NAT2: variants seen among roughly 807,000 people sequenced by gnomAD.
The protein encoded by NAT2 is N-acetyltransferase 2, also known as arylamine N-acetyltransferase 2.
For synonymous variants in NAT2, 137 were observed against 125.9 expected (o/e 1.09, Z -0.59); for missense variants, 428 against 339.1 (o/e 1.26, Z -2.06).
intron 1 of NAT2, among the ~76,000 whole-genome samples, chr8:18,393,870 C>G (rs534314208): frequency 2.0e-5 from 3 of 152,198 alleles, no homozygotes; most frequent in Non-Finnish European, 4.4e-5. Context: ...CTAGAAGATA[C>G]TAACAGATAC....
chr8:18,399,107 G>A (rs1800745379), intron 1 of NAT2, among the ~76,000 whole-genome samples: 1 of 152,132 alleles, frequency 6.6e-6, no homozygotes, highest in Non-Finnish European at 1.5e-5. Flanking sequence ...CTCACTGACT[G>A]TGCTCCAGTC....
chr8:18,398,317 A>G lies in NAT2; in HGVS notation c.-6-1681A>G, dbSNP rs62492998. Among the ~76,000 whole-genome samples the G allele has an allele frequency of 7.8e-3, 1,182 of 152,324 alleles. 6 individuals are homozygous for G. The highest frequency in any genetic ancestry group is 0.031 in the Middle Eastern group (9 of 294). ...TCTGGGTATAGGGATCTTATGACCT[A>G]CAATCCAACAAGGTAAGTTGGATAA... On this transcript the variant is annotated intron_variant, in intron 1 of 1. Transcript: ENST00000286479.
At chr8:18,399,782 T>G (rs981524106) in intron 1 of NAT2, among the ~76,000 whole-genome samples, 1 of 152,168 alleles carries the variant, frequency 6.6e-6, no homozygotes, top group African/African-American at 2.4e-5. Context: ...GAAGATACAA[T>G]AATACTTTCC....
chr8:18,400,802 C>G lies in NAT2; in HGVS notation c.799C>G (p.Leu267Val). The G allele has an allele frequency of 6.2e-7, 1 of 1,612,148 alleles. No individual in the cohort carries two copies. The highest frequency in any genetic ancestry group is 8.5e-7 in the Non-Finnish European group (1 of 1,179,510). ...CACTGAGGAAGAGGTTGAAGAAGTG[C>G]TGAGAAATATATTTAAGATTTCCTT... The part of the protein sequence containing the change: ...TLTEEEVEEV[L>V]RNIFKISLGR... Residue 267 changes from leucine to valine, a missense_variant, in exon 2 of 2, where the codon CTG becomes GTG. By Grantham distance (32) the Leu-to-Val change is conservative. Transcript: ENST00000286479.
chr8:18,399,634 A>C (rs1800753169), intron 1 of NAT2, among the ~76,000 whole-genome samples: 1 of 152,228 alleles, frequency 6.6e-6, no homozygotes, highest in Admixed American at 6.5e-5. Flanking sequence ...CTTATATCAG[A>C]AACTGTTTAT....
intron 1 of NAT2, among the ~76,000 whole-genome samples, chr8:18,396,730 C>T (rs1254970296): frequency 2.0e-5 from 3 of 152,094 alleles, no homozygotes; most frequent in Admixed American, 1.3e-4. Context: ...GCTTAATATT[C>T]GTTTCATAAA....
In NAT2 at chr8:18,400,094, C is replaced by G; in HGVS notation, c.91C>G (p.Gln31Glu). 1 of 1,613,770 alleles carries G rather than the reference C, an allele frequency of 6.2e-7. No individual in the cohort carries two copies. Among genetic ancestry groups the G allele is most frequent in the South Asian group, 1.1e-5 (1 of 91,022 alleles). The change falls in exon 2 of 2, where the codon CAG (glutamine) becomes GAG (glutamate). Residue 31 changes from glutamine (Q) to glutamate (E), a missense_variant. Gln to Glu is a conservative substitution (Grantham distance 29). Coordinates refer to ENST00000286479, the MANE Select transcript of NAT2 (RefSeq NM_000015.3). ...LETLTDILEH[Q>E]IRAVPFENLN... ...AACATTAACTGACATTCTTGAGCAC[C>G]AGATCCGGGCTGTTCCCTTTGAGAA...
Position 18,400,245 on chromosome 8 carries a change from C to A in NAT2, c.242C>A (p.Thr81Lys), listed in dbSNP as rs951834305. ...VNQLLYWALTTIGFQTTMLGG... is the reference protein window; with the variant it reads ...VNQLLYWALTKIGFQTTMLGG... ...CAACTTCTGTACTGGGCTCTGACCA[C>A]AATCGGTTTTCAGACCACAATGTTA... The change falls in exon 2 of 2, where the codon ACA becomes AAA. Residue 81 changes from threonine to lysine, a missense_variant. Transcript: ENST00000286479. 3 of 1,612,418 alleles carry A rather than the reference C, an allele frequency of 1.9e-6. No individual in the cohort carries two copies. Among genetic ancestry groups the A allele is most frequent in the Non-Finnish European group, 2.5e-6 (3 of 1,179,054 alleles).
chr8:18,390,222 T>C (rs1800571269), upstream of NAT2, among the ~76,000 whole-genome samples: 1 of 152,166 alleles, frequency 6.6e-6, no homozygotes, highest in African/African-American at 2.4e-5. Flanking sequence ...TGTGGCAGCA[T>C]GCCAGAGGTA....
intron 1 of NAT2, among the ~76,000 whole-genome samples, chr8:18,399,291 T>C (rs1333971261): frequency 6.6e-6 from 1 of 152,184 alleles, no homozygotes; most frequent in East Asian, 1.9e-4. Context: ...TTGAATTCAG[T>C]GCTCTCCCTG....
At chr8:18,388,150 T>C (rs1166765817), upstream of NAT2, among the ~76,000 whole-genome samples, 1 of 152,228 alleles carries the variant, frequency 6.6e-6, no homozygotes, top group Non-Finnish European at 1.5e-5. Context: ...GAAGACCTTC[T>C]GAGACTGAGC....
In NAT2 at chr8:18,400,897, C is replaced by T; in HGVS notation, c.*21C>T. Reference sequence around the variant, plus strand: ...TTTAGAATAAGGAACAAAATAAACCCTTGTGTATGTATCACCCAACTCACT... The same window carrying T: ...TTTAGAATAAGGAACAAAATAAACCTTTGTGTATGTATCACCCAACTCACT... On this transcript the variant is annotated 3_prime_UTR_variant, in exon 2 of 2. Transcript: ENST00000286479. The T allele has an allele frequency of 1.3e-6, 2 of 1,537,648 alleles. No individual in the cohort carries two copies. Among genetic ancestry groups the T allele is most frequent in the South Asian group, 2.6e-5 (2 of 77,168 alleles).
At chr8:18,395,089 T>C (rs561840007) in intron 1 of NAT2, among the ~76,000 whole-genome samples, 33 of 152,350 alleles carry the variant, frequency 2.2e-4, no homozygotes, top group African/African-American at 7.7e-4. Flanking sequence ...TTTCAGTCCA[T>C]GCAATTAACT....
rs28834544 is a variant in NAT2, at chr8:18,394,955, G to A, written c.-7+3610G>A. Among the ~76,000 whole-genome samples, 376 of 152,168 alleles carry A rather than the reference G, an allele frequency of 2.5e-3. 1 individual carries two copies. The highest frequency in any genetic ancestry group is 8.6e-3 in the African/African-American group (359 of 41,516). On this transcript the variant is annotated intron_variant, in intron 1 of 1. Coordinates refer to ENST00000286479, the MANE Select transcript of NAT2 (RefSeq NM_000015.3). Reference sequence around the variant, plus strand: ...AATATGCTTCAAATTTTGCTCACAAGAGTATACTTTACACAAATATTAAAA... The same window carrying A: ...AATATGCTTCAAATTTTGCTCACAAAAGTATACTTTACACAAATATTAAAA...
At position 18,400,785 on chromosome 8, in the gene NAT2, A is replaced by G. The variant is rs1229559151; in HGVS notation, c.782A>G (p.Glu261Gly). ...GTCGAGTTTAAAACTCTCACTGAGGAAGAGGTTGAAGAAGTGCTGAGAAAT... is the reference window on the plus strand; with the variant it reads ...GTCGAGTTTAAAACTCTCACTGAGGGAGAGGTTGAAGAAGTGCTGAGAAAT... The part of the protein sequence containing the change: ...DLVEFKTLTE[E>G]EVEEVLRNIF... The change falls in exon 2 of 2, where the codon GAA (glutamate) becomes GGA (glycine). Residue 261 changes from glutamate (E) to glycine (G), a missense_variant. Physicochemically the swap from Glu to Gly is moderately conservative, Grantham distance 98. Transcript: ENST00000286479. The G allele has an allele frequency of 1.9e-6, 3 of 1,612,678 alleles. No homozygotes were observed. The East Asian group carries it at 6.7e-5, about 36-fold the overall frequency.
intron 1 of NAT2, among the ~76,000 whole-genome samples, chr8:18,397,394 A>T (rs1800710926): frequency 6.6e-6 from 1 of 152,154 alleles, no homozygotes; most frequent in Admixed American, 6.5e-5. Flanking sequence ...AAGAGAGATT[A>T]AAAAGAAAAG....
Position 18,391,711 on chromosome 8 carries a change from C to A in NAT2, c.-7+366C>A, listed in dbSNP as rs566973999. 2.8e-3 allele frequency among the ~76,000 whole-genome samples: 430 copies of A among 152,290 alleles called. 4 individuals carry two copies. Among genetic ancestry groups the A allele is most frequent in the Non-Finnish European group, 1.5e-3 (102 of 68,016 alleles). On this transcript the variant is annotated intron_variant, in intron 1 of 1. Coordinates refer to ENST00000286479, the MANE Select transcript of NAT2 (RefSeq NM_000015.3). The stretch of plus-strand genomic sequence containing the variant: ...TATATTTAATCCCCAAAATATATTT[C>A]TTTGACACATATTGAAATGGTCTTG...
chr8:18,400,513 TACAA>T lies in NAT2; in HGVS notation c.516_519del (p.Asn172LysfsTer33), dbSNP rs1800772300. 1.2e-6 allele frequency: 2 copies of T among 1,613,274 alleles called. No individual in the cohort carries two copies. The highest frequency in any genetic ancestry group is 1.7e-6 in the Non-Finnish European group (2 of 1,179,806). On this transcript the variant is annotated frameshift_variant, in exon 2 of 2. Transcript: ENST00000286479. LOFTEE classifies it low-confidence loss of function (END_TRUNC). ...ACCAAATCAGGAGAGAGCAGTATAT[TACAA>T]ACAAAGAATTTCTTAATTCTCATCT...
intron 1 of NAT2, among the ~76,000 whole-genome samples, chr8:18,394,769 A>G (rs1439704808): frequency 6.6e-6 from 1 of 152,240 alleles, no homozygotes. Context: ...TTTCTTAAAA[A>G]TAGGGCATTC....
Sources: allele counts gnomAD v4.1 joint callset (sites outside exome capture counted in the v4.1 genomes callset), GRCh38; gene constraint gnomAD v4.1.1; transcripts MANE v1.5; gene names NCBI Gene and HGNC (gene_info 2026-07-23, HGNC 2026-07-21).